Variants in RTN4 observed in about 807,000 individuals in gnomAD.
The protein encoded by RTN4 is reticulon 4.
RTN4 carries 32 observed loss-of-function variants against 90.4 expected under a neutral mutation model. The observed-to-expected ratio is 0.35, with a 90% confidence interval of 0.27 to 0.48. The LOEUF (loss-of-function observed/expected upper bound fraction) is 0.48, where lower values mean the gene tolerates loss of function less well. RTN4 is among the 20% of genes least tolerant of loss of function. The probability of loss-of-function intolerance (pLI) is 0.99; values close to 1 mark genes in which losing one functional copy is unlikely to be tolerated. For missense variants in RTN4, 1,706 were observed against 1,430.2 expected (o/e 1.19, Z -3.11); for synonymous variants, 629 against 552.5 (o/e 1.14, Z -1.94).
chr2:55,041,346 T>G (rs1002094864), intron 1 of RTN4, among the ~76,000 whole-genome samples: 3 of 152,056 alleles, frequency 2.0e-5, no homozygotes, highest in Admixed American at 6.5e-5. Context: ...AATCCATAAA[T>G]GTAATGCAAC....
intron 3 of RTN4, chr2:55,014,341 T>C (rs1354956719): frequency 6.6e-6 from 1 of 152,200 alleles, no homozygotes; most frequent in African/African-American, 2.4e-5. Flanking sequence ...AAAACTAATA[T>C]GCTAACTTCT....
intron 1 of RTN4, among the ~76,000 whole-genome samples, chr2:55,088,258 T>G (rs1257886944): frequency 6.6e-6 from 1 of 152,210 alleles, no homozygotes; most frequent in Non-Finnish European, 1.5e-5. Context: ...TTCATGGACG[T>G]AGGGAAGGAA....
the RTN4 span, among the ~76,000 whole-genome samples, chr2:55,126,004 T>C: frequency 7.1e-6 from 1 of 140,542 alleles, no homozygotes; most frequent in Non-Finnish European, 1.5e-5. Context: ...GAGCTTGCAG[T>C]GAGCCGAGAT....
intron 4 of RTN4, among the ~76,000 whole-genome samples, chr2:54,986,247 G>A (rs945101414): frequency 1.3e-5 from 2 of 151,778 alleles, no homozygotes; most frequent in Admixed American, 6.6e-5. Context: ...AAAATTAATC[G>A]GACATCATCT....
In RTN4 at chr2:55,092,253, G is replaced by A. The variant is rs183296612; in HGVS notation, c.-213-11614C>T. 7.6e-3 allele frequency among the ~76,000 whole-genome samples: 1,054 copies of A among 138,520 alleles called. 9 individuals are homozygous for A. The highest frequency in any genetic ancestry group is 0.027 in the African/African-American group (983 of 37,032). 90.9% of individuals were successfully genotyped at this position (138,520 alleles called of 152,430 possible). ...TTTTTCTTTTCTTTTTTTTTTTTTC[G>A]AGTTGGAGTTTCCCTCTTGTTGCCC... On this transcript the variant is annotated intron_variant, in intron 1 of 3. Coordinates refer to the RTN4 transcript ENST00000427710.
intron 3 of RTN4, among the ~76,000 whole-genome samples, chr2:54,994,670 C>A (rs1350965875): frequency 1.1e-4 from 17 of 152,170 alleles, no homozygotes; most frequent in Non-Finnish European, 2.5e-4. Flanking sequence ...AAGACAAGTA[C>A]ATCCATTCTT....
chr2:55,000,227 A>C (rs1284928457), intron 3 of RTN4, among the ~76,000 whole-genome samples: 5 of 152,182 alleles, frequency 3.3e-5, no homozygotes, highest in Non-Finnish European at 7.4e-5. Flanking sequence ...GGTTTCAATT[A>C]GCAAGTCTCA....
intron 1 of RTN4, among the ~76,000 whole-genome samples, chr2:55,099,818 A>C (rs1667820061): frequency 6.6e-6 from 1 of 152,088 alleles, no homozygotes. Flanking sequence ...AATCCTGTAA[A>C]GTTTAAATGA....
intron 2 of RTN4, among the ~76,000 whole-genome samples, chr2:55,077,664 C>G (rs1668626999): frequency 6.6e-6 from 1 of 151,962 alleles, no homozygotes; most frequent in African/African-American, 2.4e-5. Flanking sequence ...GATACCTGCA[C>G]ACACGTTTAT....
At chr2:55,009,836 G>A (rs1680501075) in intron 3 of RTN4, among the ~76,000 whole-genome samples, 2 of 152,164 alleles carry the variant, frequency 1.3e-5, no homozygotes, top group Admixed American at 6.5e-5. Flanking sequence ...CAATGTGCAA[G>A]ATTAGAGAAC....
upstream of RTN4, among the ~76,000 whole-genome samples, chr2:55,113,385 T>A (rs1668071391): frequency 6.6e-6 from 1 of 152,160 alleles, no homozygotes. Context: ...TTATCAATAC[T>A]CACAAACAAC....
In RTN4 at chr2:55,026,570, G is replaced by C; in HGVS notation, c.1529C>G (p.Thr510Ser). Reference sequence around the variant, plus strand: ...AAAAGGGTTTGATGTTTTGGTGCTAGTATTCTTCTCTGTTACTATTTGGGC... The same window carrying C: ...AAAAGGGTTTGATGTTTTGGTGCTACTATTCTTCTCTGTTACTATTTGGGC... ...KKAQIVTEKN[T>S]STKTSNPFLV... Residue 510 changes from threonine (T) to serine (S), a missense_variant, in exon 3 of 9, where the codon ACT (threonine) becomes AGT (serine). Coordinates refer to ENST00000337526, the MANE Select transcript of RTN4 (RefSeq NM_020532.5). 2 of 1,612,992 alleles carry C rather than the reference G, an allele frequency of 1.2e-6. No homozygotes were observed. Among genetic ancestry groups the C allele is most frequent in the Non-Finnish European group, 1.7e-6 (2 of 1,179,836 alleles).
Position 55,025,737 on chromosome 2 carries a change from G to GT in RTN4, c.2361dup (p.Leu788ThrfsTer7). 2.5e-6 allele frequency: 4 copies of GT among 1,613,624 alleles called. No homozygotes were observed. The highest frequency in any genetic ancestry group is 3.4e-6 in the Non-Finnish European group (4 of 1,179,780). On this transcript the variant is annotated frameshift_variant, in exon 3 of 9. Transcript: ENST00000337526. LOFTEE classifies it high-confidence loss of function. Reference sequence around the variant, plus strand: ...CCTCCCTCAGGTGGCAAAGCACTGAGTTTTTCCTTATTTTCATATTCTATC... The same window carrying GT: ...CCTCCCTCAGGTGGCAAAGCACTGAGTTTTTTCCTTATTTTCATATTCTATC...
intron 1 of RTN4, among the ~76,000 whole-genome samples, chr2:55,036,567 A>G (rs1682697230): frequency 7.3e-6 from 1 of 137,136 alleles, no homozygotes; most frequent in Admixed American, 8.6e-5. Flanking sequence ...GTGCCACTGC[A>G]CTCCAGCCCA....
intron 5 of RTN4, among the ~76,000 whole-genome samples, chr2:54,979,203 C>T (rs1485299760): frequency 2.7e-5 from 4 of 149,626 alleles, no homozygotes; most frequent in Non-Finnish European, 4.4e-5. Flanking sequence ...CAGGCATGGG[C>T]GACCATGGCT....
the RTN4 span, among the ~76,000 whole-genome samples, chr2:55,130,131 T>A: frequency 6.6e-6 from 1 of 152,232 alleles, no homozygotes; most frequent in African/African-American, 2.4e-5. Flanking sequence ...CATGGCTTAA[T>A]AAGTTATGGA....
chr2:54,979,855 G>T (rs943819605), intron 5 of RTN4, among the ~76,000 whole-genome samples: 1 of 152,128 alleles, frequency 6.6e-6, no homozygotes, highest in Non-Finnish European at 1.5e-5. Context: ...TTGCCAGCTG[G>T]GGAAGTCACC....
chr2:55,078,062 C>G (rs557482266), intron 2 of RTN4, among the ~76,000 whole-genome samples: 3 of 151,864 alleles, frequency 2.0e-5, no homozygotes, highest in African/African-American at 7.3e-5. Flanking sequence ...TAAAAGACTA[C>G]GCATTGAGTA....
At chr2:54,974,295 T>C in intron 6 of RTN4, 1 of 238,760 alleles carries the variant, frequency 4.2e-6, no homozygotes, top group East Asian at 1.1e-4. Flanking sequence ...CAAACTTATT[T>C]TGAGATGGAG....
Sources: allele counts gnomAD v4.1 joint callset (sites outside exome capture counted in the v4.1 genomes callset), GRCh38; gene constraint gnomAD v4.1.1; transcripts MANE v1.5; gene names NCBI Gene and HGNC (gene_info 2026-07-23, HGNC 2026-07-21).